Variants in TTC29 observed in about 807,000 individuals in gnomAD.
The protein encoded by TTC29 is tetratricopeptide repeat protein 29.
In TTC29, 49 loss-of-function variants were observed where a neutral mutation model predicts 58.1. That is an observed-to-expected ratio of 0.84 (90% CI 0.67 to 1.07). TTC29 has a LOEUF of 1.07. Among genes scored for constraint, TTC29 ranks in the 50% least tolerant of loss-of-function variants. The pLI is 0.00. For missense variants in TTC29, 582 were observed against 555.6 expected (o/e 1.05, Z -0.48); for synonymous variants, 209 against 196.8 (o/e 1.06, Z -0.52).
chr4:146,738,036 T>C (rs1356337592), intron 11 of TTC29, among the ~76,000 whole-genome samples: 1 of 152,182 alleles, frequency 6.6e-6, no homozygotes, highest in African/African-American at 2.4e-5. Context: ...CTATATTGCC[T>C]GGTGGCAAAA....
intron 6 of TTC29, among the ~76,000 whole-genome samples, chr4:146,899,490 A>G (rs985737704): frequency 4.6e-5 from 7 of 152,196 alleles, no homozygotes; most frequent in African/African-American, 1.7e-4. Flanking sequence ...AGTTGATGAC[A>G]ACTCCAAACC....
intron 9 of TTC29, among the ~76,000 whole-genome samples, chr4:146,823,318 A>C (rs575183588): frequency 3.3e-5 from 5 of 152,198 alleles, no homozygotes; most frequent in African/African-American, 7.2e-5. Context: ...AGTTTTCTGC[A>C]TATGGCTAGC....
In TTC29 at chr4:146,858,459, T is replaced by C. The variant is rs552481686; in HGVS notation, c.885+9039A>G. Among the ~76,000 whole-genome samples the C allele has an allele frequency of 4.6e-5, 7 of 152,300 alleles. No homozygotes were observed. In the South Asian group the frequency reaches 1.2e-3, roughly 27 times the overall value. On this transcript the variant is annotated intron_variant, in intron 8 of 12. Transcript: ENST00000325106. ...TTAAAATGCTCTTTTTCATGTAATA[T>C]ATGTACATCAACTTCTCCTTCCAAC...
At chr4:146,919,958 C>A (rs1178192606) in intron 4 of TTC29, among the ~76,000 whole-genome samples, 1 of 150,926 alleles carries the variant, frequency 6.6e-6, no homozygotes, top group Admixed American at 6.6e-5. Context: ...AAGAATTTGA[C>A]AAGTTTTGCA....
intron 8 of TTC29, among the ~76,000 whole-genome samples, chr4:146,861,658 C>T (rs1730240224): frequency 6.6e-6 from 1 of 152,120 alleles, no homozygotes; most frequent in South Asian, 2.1e-4. Flanking sequence ...TGTATTAATA[C>T]TTTACTGATA....
intron 4 of TTC29, among the ~76,000 whole-genome samples, chr4:146,928,969 T>C (rs1735127489): frequency 6.6e-6 from 1 of 152,154 alleles, no homozygotes; most frequent in African/African-American, 2.4e-5. Flanking sequence ...TTAGGAACAA[T>C]GTGAAGGGAA....
chr4:146,945,724 C>T lies in TTC29; in HGVS notation c.-69G>A, dbSNP rs1230834832. The T allele has an allele frequency of 6.6e-6, 1 of 152,450 alleles. No homozygotes were observed. Among genetic ancestry groups the T allele is most frequent in the East Asian group, 1.9e-4 (1 of 5,196 alleles). The allele number at this position is 152,450 out of a possible 1,614,324, so 9.4% of individuals were successfully genotyped here. On this transcript the variant is annotated 5_prime_UTR_variant, in exon 1 of 13. Coordinates refer to ENST00000325106, the MANE Select transcript of TTC29 (RefSeq NM_031956.4). ...CGTCACGAACCTCGGTGCACTGGCC[C>T]AGGGAAACAACTCCAGTTTTCCGTT...
chr4:146,899,323 A>G (rs10030702), intron 6 of TTC29, among the ~76,000 whole-genome samples: 2,263 of 152,286 alleles, frequency 0.015, 46 homozygotes, highest in African/African-American at 0.051. Flanking sequence ...AATGAATGGG[A>G]ACGTCTATTG....
intron 11 of TTC29, among the ~76,000 whole-genome samples, chr4:146,762,959 G>T (rs1162570934): frequency 6.6e-6 from 1 of 151,980 alleles, no homozygotes; most frequent in Non-Finnish European, 1.5e-5. Flanking sequence ...TGGATTTAGG[G>T]CTTATAGTCA....
At chr4:146,917,737 T>C (rs1037498260) in intron 4 of TTC29, among the ~76,000 whole-genome samples, 2 of 146,442 alleles carry the variant, frequency 1.4e-5, no homozygotes, top group African/African-American at 4.9e-5. Flanking sequence ...AAATTATATA[T>C]AAAAATTATA....
intron 11 of TTC29, among the ~76,000 whole-genome samples, chr4:146,791,037 A>AAAG (rs1323472942): frequency 6.6e-6 from 1 of 152,228 alleles, no homozygotes; most frequent in African/African-American, 2.4e-5. Context: ...TATGTGGCCC[A>AAAG]AAGTCCATGT....
intron 11 of TTC29, among the ~76,000 whole-genome samples, chr4:146,761,059 A>G (rs1362535361): frequency 6.6e-6 from 1 of 151,828 alleles, no homozygotes; most frequent in African/African-American, 2.4e-5. Context: ...ATGCAAAGGC[A>G]TAAGAATGAT....
At chr4:146,768,423 A>G (rs991310289) in intron 11 of TTC29, among the ~76,000 whole-genome samples, 6 of 152,072 alleles carry the variant, frequency 3.9e-5, no homozygotes, top group African/African-American at 1.2e-4. Flanking sequence ...GCAAAACAGT[A>G]TTAAGCTGTG....
At chr4:146,913,830 C>A (rs59041871) in intron 4 of TTC29, among the ~76,000 whole-genome samples, 24,014 of 152,016 alleles carry the variant, frequency 0.16, 3,030 homozygotes, top group African/African-American at 0.34. Flanking sequence ...AGGGGTTGGA[C>A]AATCATTTCC....
Position 146,945,048 on chromosome 4 carries a change from G to C in TTC29, c.-24C>G, listed in dbSNP as rs944386367. 8.5e-5 allele frequency: 13 copies of C among 152,166 alleles called. No homozygotes were observed. Among genetic ancestry groups the C allele is most frequent in the African/African-American group, 3.1e-4 (13 of 41,444 alleles). The allele number at this position is 152,166 out of a possible 1,614,324, so 9.4% of individuals were successfully genotyped here. ...TGACTTACATTTGCAGATTACTGCT[G>C]ATGGTCTCTCCAGGCTTATAGACTT... On this transcript the variant is annotated 5_prime_UTR_variant, in exon 2 of 13. The change creates a new upstream start codon in the 5' untranslated region. Transcript: ENST00000325106.
At position 146,856,987 on chromosome 4, in the gene TTC29, C is replaced by T. The variant is rs1729899791; in HGVS notation, c.885+10511G>A. On this transcript the variant is annotated intron_variant, in intron 8 of 12. Transcript: ENST00000325106. ...ATTAAAACATATTTTTATAAACTAC[C>T]TAAAATGCTGTTTTCCAAGTAAGGC... is the stretch of plus-strand genomic sequence containing the variant. 2.0e-5 allele frequency among the ~76,000 whole-genome samples: 3 copies of T among 151,704 alleles called. No individual in the cohort carries two copies. In the South Asian group the frequency reaches 6.2e-4, roughly 31 times the overall value.
chr4:146,836,190 A>C (rs1165014198), intron 8 of TTC29, among the ~76,000 whole-genome samples: 1 of 152,174 alleles, frequency 6.6e-6, no homozygotes, highest in Non-Finnish European at 1.5e-5. Context: ...ATTATTTGGG[A>C]ACCTGTTATT....
chr4:146,935,739 T>C (rs887679375), intron 4 of TTC29, among the ~76,000 whole-genome samples: 1 of 152,174 alleles, frequency 6.6e-6, no homozygotes, highest in East Asian at 1.9e-4. Context: ...AATATCATTG[T>C]CTCTCCCACT....
At chr4:146,721,313 C>T (rs986086994) in intron 11 of TTC29, among the ~76,000 whole-genome samples, 1 of 152,048 alleles carries the variant, frequency 6.6e-6, no homozygotes, top group Admixed American at 6.6e-5. Flanking sequence ...AGCATGTTTT[C>T]TCAACACTCA....
Sources: gnomAD v4.1 joint callset for allele counts (sites outside exome capture counted in the v4.1 genomes callset) on GRCh38, gnomAD v4.1.1 for gene constraint, MANE v1.5 for transcripts, NCBI Gene and HGNC (gene_info 2026-07-23, HGNC 2026-07-21) for gene names.